The following MAPKAPK5 variants were observed in gnomAD, a reference collection of about 807,000 sequenced individuals.
MAPKAPK5 encodes MAP kinase-activated protein kinase 5.
Under a neutral mutation model 65.1 loss-of-function variants are expected in MAPKAPK5, and 30 were observed. The ratio of observed to expected loss-of-function variants is 0.46; its 90% CI spans 0.34 to 0.63. The LOEUF is 0.63. MAPKAPK5 is among the 20% of genes least tolerant of loss of function. The pLI, the probability that MAPKAPK5 is intolerant of heterozygous loss-of-function variation, is 0.01. For synonymous variants in MAPKAPK5, 179 were observed against 204.6 expected, an observed-to-expected ratio of 0.87 and a Z score of 1.07; for missense variants, 433 against 581.4, an observed-to-expected ratio of 0.74 and a Z score of 2.63.
chr12:111,874,951 A>G (rs1490882228), intron 7 of MAPKAPK5, among the ~76,000 whole-genome samples: 1 of 150,838 alleles, frequency 6.6e-6, no homozygotes, highest in Non-Finnish European at 1.5e-5. Context: ...ATTTTTTTTC[A>G]TATTTTTAGT....
Position 111,901,105 on chromosome 12 carries a change from A to G in MAPKAPK5, c.*8044A>G, listed in dbSNP as rs1451307797. Reference sequence around the variant, plus strand: ...CAACATACAATGATTCAGGTCCCTCAGGGAGATGGCTCATGTTGGAGCATG... The same window carrying G: ...CAACATACAATGATTCAGGTCCCTCGGGGAGATGGCTCATGTTGGAGCATG... On this transcript the variant is annotated 3_prime_UTR_variant, in exon 14 of 14. Coordinates refer to ENST00000550735, the MANE Select transcript of MAPKAPK5 (RefSeq NM_003668.4). 1 of 455,998 alleles carries G rather than the reference A, an allele frequency of 2.2e-6. No individual in the cohort carries two copies. Among genetic ancestry groups the G allele is most frequent in the Non-Finnish European group, 4.4e-6 (1 of 226,812 alleles). The allele number at this position is 455,998 out of a possible 1,614,324, so 28.2% of individuals were successfully genotyped here.
chr12:111,861,854 TATTCCAATAC>T (rs1433213895), intron 1 of MAPKAPK5, among the ~76,000 whole-genome samples: 2 of 152,212 alleles, frequency 1.3e-5, no homozygotes, highest in African/African-American at 4.8e-5. Flanking sequence ...GATATGGCTA[TATTCCAATAC>T]ACTTTATTTG....
chr12:111,854,031 A>G (rs1185638070), intron 1 of MAPKAPK5, among the ~76,000 whole-genome samples: 1 of 152,134 alleles, frequency 6.6e-6, no homozygotes, highest in Non-Finnish European at 1.5e-5. Context: ...GTGTAGAATC[A>G]TTCTTACATG....
chr12:111,861,887 A>G (rs898912924), intron 1 of MAPKAPK5, among the ~76,000 whole-genome samples: 1 of 152,218 alleles, frequency 6.6e-6, no homozygotes, highest in African/African-American at 2.4e-5. Flanking sequence ...AAAACAGGCA[A>G]TGGCTGAATT....
intron 1 of MAPKAPK5, among the ~76,000 whole-genome samples, chr12:111,852,427 A>G (rs1189027513): frequency 1.3e-5 from 2 of 152,222 alleles, no homozygotes; most frequent in African/African-American, 2.4e-5. Flanking sequence ...CTTAATGAAT[A>G]GCAAATATGT....
chr12:111,898,080 A>G lies in MAPKAPK5; in HGVS notation c.*5019A>G, dbSNP rs1252516937. 3.9e-5 allele frequency: 6 copies of G among 152,020 alleles called. No homozygotes were observed. Among genetic ancestry groups the G allele is most frequent in the Non-Finnish European group, 8.8e-5 (6 of 67,996 alleles). The allele number at this position is 152,020 out of a possible 1,614,324, so 9.4% of individuals were successfully genotyped here. ...CAGGTCAATTTTAGTTCCAAACCGA[A>G]GAAATCTTTTAAAAGTTCTTATATA... On this transcript the variant is annotated 3_prime_UTR_variant, in exon 14 of 14. Transcript: ENST00000550735.
chr12:111,864,410 C>T (rs978072192), intron 1 of MAPKAPK5, among the ~76,000 whole-genome samples: 1 of 152,140 alleles, frequency 6.6e-6, no homozygotes, highest in Non-Finnish European at 1.5e-5. Context: ...CCATGTTGGC[C>T]AGGATGGTCT....
intron 1 of MAPKAPK5, among the ~76,000 whole-genome samples, chr12:111,862,646 C>T (rs2069479634): frequency 6.6e-6 from 1 of 152,048 alleles, no homozygotes; most frequent in African/African-American, 2.4e-5. Flanking sequence ...GAGGCCAGAT[C>T]ACGCCATTGT....
intron 1 of MAPKAPK5, among the ~76,000 whole-genome samples, chr12:111,847,322 T>A (rs1179169660): frequency 6.9e-6 from 1 of 143,996 alleles, no homozygotes; most frequent in East Asian, 2.0e-4. Flanking sequence ...TACTCCAGCC[T>A]GGGCGACAGG....
Position 111,901,525 on chromosome 12 carries a change from C to T in MAPKAPK5, c.*8464C>T. 1 of 368,214 alleles carries T rather than the reference C, an allele frequency of 2.7e-6. No individual in the cohort carries two copies. The highest frequency in any genetic ancestry group is 5.4e-6 in the Non-Finnish European group (1 of 186,022). 22.8% of individuals were successfully genotyped at this position (368,214 alleles called of 1,614,324 possible). ...TTATTATTAAGTACAATTATTTGAT[C>T]TGCTTGCTTAAAAAATCACCAGAGG... On this transcript the variant is annotated 3_prime_UTR_variant, in exon 14 of 14. Coordinates refer to ENST00000550735, the MANE Select transcript of MAPKAPK5 (RefSeq NM_003668.4).
intron 13 of MAPKAPK5, among the ~76,000 whole-genome samples, chr12:111,892,727 C>G (rs940254184): frequency 6.6e-6 from 1 of 152,052 alleles, no homozygotes; most frequent in African/African-American, 2.4e-5. Flanking sequence ...GATCTTGTCT[C>G]TCTTTGTGGT....
chr12:111,845,133 G>GT (rs996607403), intron 1 of MAPKAPK5, among the ~76,000 whole-genome samples: 6 of 151,098 alleles, frequency 4.0e-5, no homozygotes, highest in East Asian at 2.0e-4. Context: ...CTCACCCTAT[G>GT]TTTTTTTTTG....
chr12:111,849,797 G>A lies in MAPKAPK5; in HGVS notation c.36+7028G>A, dbSNP rs192332550. The stretch of plus-strand genomic sequence containing the variant: ...AGTGATGCGATCACAGTTCGCTGCA[G>A]CCATGTCCTTCTAGGCTTAAGTGAT... On this transcript the variant is annotated intron_variant, in intron 1 of 13. Coordinates refer to ENST00000550735, the MANE Select transcript of MAPKAPK5 (RefSeq NM_003668.4). Among the ~76,000 whole-genome samples the A allele has an allele frequency of 2.2e-4, 34 of 151,768 alleles. 1 individual carries two copies. In the East Asian group the frequency reaches 6.6e-3, roughly 30 times the overall value.
At chr12:111,865,148 A>T (rs2069559185) in intron 1 of MAPKAPK5, 102 bp from the exon 2 acceptor site, 1 of 690,550 alleles carries the variant, frequency 1.4e-6, no homozygotes, top group East Asian at 2.7e-5. Context: ...CTCTTAGAAG[A>T]TGAGCTGTTG....
At position 111,887,882 on chromosome 12, in the gene MAPKAPK5, A is replaced by T. The variant is rs532650322; in HGVS notation, c.970-606A>T. On this transcript the variant is annotated intron_variant, in intron 10 of 13. Coordinates refer to ENST00000550735, the MANE Select transcript of MAPKAPK5 (RefSeq NM_003668.4). ...TCTGTCCTTCTTTTAAAGTACAAAA[A>T]TGGAAAAAAAAATACAAAAATGGGA... 22 of 153,634 alleles carry T rather than the reference A, an allele frequency of 1.4e-4. No individual in the cohort carries two copies. In the South Asian group the frequency reaches 4.3e-3, roughly 30 times the overall value. 9.5% of individuals were successfully genotyped at this position (153,634 alleles called of 1,614,324 possible). A position where few individuals can be genotyped will look rare whatever the true frequency, so the allele number is the denominator to read the frequency against.
Position 111,868,917 on chromosome 12 carries a change from A to G in MAPKAPK5, c.393+56A>G, listed in dbSNP as rs564543074. ...CCACCAAAGTTGGTTAACAAGCACA[A>G]TTTCATTGGGGGGAAGAAAAGAAAA... is the stretch of plus-strand genomic sequence containing the variant. On this transcript the variant is annotated intron_variant, in intron 5 of 13. Transcript: ENST00000550735. The G allele has an allele frequency of 3.5e-4, 452 of 1,292,948 alleles. 1 individual carries two copies. The highest frequency in any genetic ancestry group is 4.7e-4 in the Non-Finnish European group (431 of 926,802). The allele number at this position is 1,292,948 out of a possible 1,614,324, so 80.1% of individuals were successfully genotyped here.
chr12:111,881,403 C>CTTTTTTTTTTTT (rs61349417), intron 8 of MAPKAPK5, among the ~76,000 whole-genome samples: 2 of 110,724 alleles, frequency 1.8e-5, no homozygotes, highest in African/African-American at 6.9e-5. Flanking sequence ...CTGTCTGTTC[C>CTTTTTTTTTTTT]TTTTTTTTTT....
intron 1 of MAPKAPK5, 130 bp from the exon 2 acceptor site, chr12:111,865,120 A>G: frequency 1.6e-6 from 1 of 611,230 alleles, no homozygotes; most frequent in South Asian, 2.1e-5. Context: ...TAGAACACAA[A>G]GTTCTGCTTA....
intron 1 of MAPKAPK5, among the ~76,000 whole-genome samples, chr12:111,848,630 C>T (rs2136066212): frequency 6.6e-6 from 1 of 150,724 alleles, no homozygotes; most frequent in South Asian, 2.1e-4. Flanking sequence ...CCAGGCTGGT[C>T]TTGAACTCCT....
Sources: gnomAD v4.1 joint callset for allele counts (sites outside exome capture counted in the v4.1 genomes callset) on GRCh38, gnomAD v4.1.1 for gene constraint, MANE v1.5 for transcripts, NCBI Gene and HGNC (gene_info 2026-07-23, HGNC 2026-07-21) for gene names.